The following SBF2 variants were observed in gnomAD, a reference collection of about 807,000 sequenced individuals.
SBF2 encodes SET binding factor 2, also known as myotubularin-related protein 13.
SBF2 carries 112 observed loss-of-function variants against 225.2 expected under a neutral mutation model. That is an observed-to-expected ratio of 0.50 (90% CI 0.43 to 0.58). SBF2 has a LOEUF of 0.58. Among genes scored for constraint, SBF2 ranks in the 20% least tolerant of loss-of-function variants. SBF2 has a pLI of 0.00. For missense variants in SBF2, 1,996 were observed against 2,206.2 expected (o/e 0.90, Z 1.91); for synonymous variants, 763 against 773.3 (o/e 0.99, Z 0.22).
chr11:10,239,761 A>G (rs192746205), intron 1 of SBF2, among the ~76,000 whole-genome samples: 2 of 136,576 alleles, frequency 1.5e-5, no homozygotes, highest in Admixed American at 7.2e-5. Context: ...AATGCACTAT[A>G]TAAACCTAAT....
intron 1 of SBF2, among the ~76,000 whole-genome samples, chr11:10,218,742 G>A (rs1249364356): frequency 6.6e-6 from 1 of 152,138 alleles, no homozygotes; most frequent in African/African-American, 2.4e-5. Context: ...TGAGAAACTG[G>A]CCAAAACGAA....
At chr11:10,239,002 A>C (rs1211146858) in intron 1 of SBF2, among the ~76,000 whole-genome samples, 1 of 150,924 alleles carries the variant, frequency 6.6e-6, no homozygotes, top group Non-Finnish European at 1.5e-5. Flanking sequence ...GTGAACAAAC[A>C]AAACAGGAAT....
chr11:10,065,610 T>C (rs563122720), intron 2 of SBF2, among the ~76,000 whole-genome samples: 58 of 152,300 alleles, frequency 3.8e-4, no homozygotes, highest in Non-Finnish European at 7.4e-4. Flanking sequence ...AAAAACATCC[T>C]ATAAATAAAC....
chr11:9,961,756 GAAAAC>G, intron 16 of SBF2, 196 bp downstream of exon 16: 1 of 505,884 alleles, frequency 2.0e-6, no homozygotes, highest in Non-Finnish European at 3.5e-6. Flanking sequence ...TTTTCAAAGA[GAAAAC>G]AAAGAAAGAA....
intron 17 of SBF2, among the ~76,000 whole-genome samples, chr11:9,867,263 G>A (rs1564932828): frequency 6.6e-6 from 1 of 151,962 alleles, no homozygotes; most frequent in Non-Finnish European, 1.5e-5. Context: ...CACCTACTAT[G>A]TACCCACAAA....
At chr11:10,011,983 G>A (rs1354286207) in intron 6 of SBF2, among the ~76,000 whole-genome samples, 1 of 152,006 alleles carries the variant, frequency 6.6e-6, no homozygotes, top group Non-Finnish European at 1.5e-5. Context: ...GTACCTAAAA[G>A]GTATTATTGT....
intron 2 of SBF2, among the ~76,000 whole-genome samples, chr11:10,107,924 C>A (rs1012950307): frequency 5.3e-5 from 8 of 152,188 alleles, no homozygotes; most frequent in African/African-American, 1.9e-4. Flanking sequence ...TGACAGAAAG[C>A]AAATCAGTGG....
intron 16 of SBF2, among the ~76,000 whole-genome samples, chr11:9,923,076 T>C (rs921024702): frequency 3.3e-5 from 5 of 152,080 alleles, no homozygotes; most frequent in Non-Finnish European, 7.4e-5. Flanking sequence ...GTCATGTGGA[T>C]CCCCTCCTCT....
rs1446107387 is a variant in SBF2, at chr11:9,780,708, G to C, written c.5452-192C>G. 4.8e-6 allele frequency: 3 copies of C among 625,278 alleles called. No individual in the cohort carries two copies. The African/African-American group carries it at 5.5e-5, about 11-fold the overall frequency. 38.7% of individuals were successfully genotyped at this position (625,278 alleles called of 1,614,324 possible). ...GGTCTCTAGAGTCATAGGGGATGTT[G>C]ATAGAAGGGTACTGGCAGGAAAGGG... On this transcript the variant is annotated intron_variant, in intron 39 of 39. Coordinates refer to ENST00000256190, the MANE Select transcript of SBF2 (RefSeq NM_030962.4).
At chr11:10,071,982 G>A (rs1283349766) in intron 2 of SBF2, among the ~76,000 whole-genome samples, 1 of 152,008 alleles carries the variant, frequency 6.6e-6, no homozygotes, top group East Asian at 1.9e-4. Flanking sequence ...CAATGATGTG[G>A]GGCACTCCAC....
intron 17 of SBF2, among the ~76,000 whole-genome samples, chr11:9,860,007 T>A (rs945200745): frequency 1.3e-5 from 2 of 152,228 alleles, no homozygotes. Flanking sequence ...GGGATCATTG[T>A]TGGATTTCAT....
chr11:10,028,694 T>C (rs1949138206), intron 5 of SBF2, 137 bp from the exon 6 acceptor site: 2 of 686,950 alleles, frequency 2.9e-6, no homozygotes, highest in African/African-American at 3.6e-5. Flanking sequence ...GGCAACAATG[T>C]ATATCCCAAA....
rs1950727641 is a variant in SBF2, at chr11:10,068,663, G to C, written c.142-25682C>G. Among the ~76,000 whole-genome samples, 4 of 152,012 alleles carry C rather than the reference G, an allele frequency of 2.6e-5. No individual in the cohort carries two copies. The South Asian group carries it at 6.2e-4, about 24-fold the overall frequency. On this transcript the variant is annotated intron_variant, in intron 2 of 39. Coordinates refer to ENST00000256190, the MANE Select transcript of SBF2 (RefSeq NM_030962.4). Reference sequence around the variant, plus strand: ...AATGTTTAACATAGTACCTAGCAAAGAGTAAATATTTAATAAATAGTAGCT... The same window carrying C: ...AATGTTTAACATAGTACCTAGCAAACAGTAAATATTTAATAAATAGTAGCT...
intron 2 of SBF2, among the ~76,000 whole-genome samples, chr11:10,066,919 T>A (rs1333000128): frequency 6.6e-6 from 1 of 152,222 alleles, no homozygotes. Context: ...ATCAATTACA[T>A]TTCTTCCTAT....
At chr11:9,833,662 T>C (rs375967317) in intron 26 of SBF2, among the ~76,000 whole-genome samples, 30 of 152,148 alleles carry the variant, frequency 2.0e-4, no homozygotes, top group South Asian at 8.3e-4. Context: ...CCTCGTGATC[T>C]GCCCACCTTG....
intron 2 of SBF2, among the ~76,000 whole-genome samples, chr11:10,157,725 G>T (rs1189339478): frequency 6.6e-6 from 1 of 152,108 alleles, no homozygotes; most frequent in African/African-American, 2.4e-5. Flanking sequence ...TAAATGTAAT[G>T]CACTTAAATC....
chr11:10,055,524 TACACACACACACAC>T lies in SBF2; in HGVS notation c.142-12557_142-12544del, dbSNP rs3993326. ...ACAGATGAGTAAATAAAGAAAATGA[TACACACACACACAC>T]ACACACACACACACACACACACACA... is the stretch of plus-strand genomic sequence containing the variant. On this transcript the variant is annotated intron_variant, in intron 2 of 39. Coordinates refer to ENST00000256190, the MANE Select transcript of SBF2 (RefSeq NM_030962.4). 3.8e-3 allele frequency among the ~76,000 whole-genome samples: 502 copies of T among 133,850 alleles called. 3 individuals carry two copies. Among genetic ancestry groups the T allele is most frequent in the Middle Eastern group, 0.018 (5 of 278 alleles). 87.8% of individuals were successfully genotyped at this position (133,850 alleles called of 152,430 possible).
chr11:10,107,552 C>T (rs1952607929), intron 2 of SBF2, among the ~76,000 whole-genome samples: 1 of 152,048 alleles, frequency 6.6e-6, no homozygotes, highest in African/African-American at 2.4e-5. Flanking sequence ...GTTCTAAAGG[C>T]CAGGGTCCAA....
Position 10,177,447 on chromosome 11 carries a change from T to C in SBF2, c.141+16455A>G, listed in dbSNP as rs971389590. ...TGATTGTATATCTAGAAAACCCCAT[T>C]GTCTCAGTCCAAAATCTCCTTAAGC... On this transcript the variant is annotated intron_variant, in intron 2 of 39. Transcript: ENST00000256190. 1.0e-4 allele frequency among the ~76,000 whole-genome samples: 15 copies of C among 150,346 alleles called. 1 individual carries two copies. Among genetic ancestry groups the C allele is most frequent in the African/African-American group, 3.2e-4 (13 of 40,600 alleles).
Sources: gnomAD v4.1 joint callset for allele counts (sites outside exome capture counted in the v4.1 genomes callset) on GRCh38, gnomAD v4.1.1 for gene constraint, MANE v1.5 for transcripts, NCBI Gene and HGNC (gene_info 2026-07-23, HGNC 2026-07-21) for gene names.